DENND1A: variants seen among roughly 807,000 people sequenced by gnomAD.
DENND1A encodes the protein DENN domain-containing protein 1A.
A neutral mutation model predicts 113.7 loss-of-function variants in DENND1A; 51 were observed. The observed-to-expected ratio is 0.45, with a 90% CI of 0.36 to 0.57. The LOEUF (loss-of-function observed/expected upper bound fraction) is 0.57, where lower values mean the gene tolerates loss of function less well. DENND1A is among the 20% of genes least tolerant of loss of function. The pLI is 0.00. For synonymous variants in DENND1A, 565 were observed against 570.8 expected, an observed-to-expected ratio of 0.99 and a Z score of 0.14; for missense variants, 1,258 against 1,395.9, an observed-to-expected ratio of 0.90 and a Z score of 1.57.
chr9:123,386,345 G>C lies in DENND1A; in HGVS notation c.1760+1385C>G, dbSNP rs542564672. ...CAGCAAAAGTGACGTGTGATGCTTG[G>C]ATGACACCAGCTTAGGCCACTACTT... On this transcript the variant is annotated intron_variant, in intron 22 of 23. Transcript: ENST00000394215. Among the ~76,000 whole-genome samples the C allele has an allele frequency of 1.1e-4, 16 of 150,946 alleles. No individual in the cohort carries two copies. The East Asian group carries it at 3.1e-3, about 29-fold the overall frequency.
At chr9:123,553,177 A>G (rs1171199048) in intron 13 of DENND1A, among the ~76,000 whole-genome samples, 1 of 152,200 alleles carries the variant, frequency 6.6e-6, no homozygotes, top group Non-Finnish European at 1.5e-5. Context: ...GGATCACTTC[A>G]GCCTAGGAGG....
chr9:123,516,884 CAAAAAAAAAAA>C lies in DENND1A; in HGVS notation c.993+40675_993+40685del, dbSNP rs546001517. ...CTGGTGACAGAGTGAGACTCTGTCT[CAAAAAAAAAAA>C]AAAAAAAAAAAAAAAAAAAAAAAAG... On this transcript the variant is annotated intron_variant, in intron 13 of 23. Transcript: ENST00000394215. 1.4e-3 allele frequency among the ~76,000 whole-genome samples: 129 copies of C among 93,322 alleles called. 1 individual carries two copies. Among genetic ancestry groups the C allele is most frequent in the East Asian group, 7.9e-3 (29 of 3,656 alleles). The allele number at this position is 93,322 out of a possible 152,430, so 61.2% of individuals were successfully genotyped here.
At chr9:123,475,270 C>T (rs1033106250) in intron 13 of DENND1A, among the ~76,000 whole-genome samples, 5 of 152,192 alleles carry the variant, frequency 3.3e-5, no homozygotes, top group African/African-American at 1.2e-4. Context: ...CCGCCCACCT[C>T]GGCCTCCCAA....
intron 11 of DENND1A, among the ~76,000 whole-genome samples, chr9:123,592,843 A>C (rs995859509): frequency 3.3e-5 from 5 of 152,066 alleles, no homozygotes; most frequent in Non-Finnish European, 7.4e-5. Context: ...TTTCCCTCAC[A>C]CTTCAAGAAA....
At chr9:123,485,656 G>GCGCGCGCGCGCGCGCGCA (rs765633751) in intron 13 of DENND1A, 1 of 141,154 alleles carries the variant, frequency 7.1e-6, no homozygotes, top group African/African-American at 2.9e-5. Flanking sequence ...GCGCGCGCGC[G>GCGCGCGCGCGCGCGCGCA]CACACACACA....
chr9:123,874,120 G>A (rs1156985302), intron 2 of DENND1A, among the ~76,000 whole-genome samples: 1 of 151,638 alleles, frequency 6.6e-6, no homozygotes, highest in African/African-American at 2.4e-5. Flanking sequence ...AGTCTGAAGT[G>A]GGAGGATCGC....
chr9:123,469,235 C>A (rs2049198417), intron 13 of DENND1A, among the ~76,000 whole-genome samples: 1 of 152,242 alleles, frequency 6.6e-6, no homozygotes, highest in Non-Finnish European at 1.5e-5. Context: ...GCCCCTGTCA[C>A]TATAACAAGC....
intron 8 of DENND1A, among the ~76,000 whole-genome samples, chr9:123,657,885 C>T (rs2063041407): frequency 6.8e-6 from 1 of 148,050 alleles, no homozygotes; most frequent in Admixed American, 6.6e-5. Context: ...GCAATCAAAT[C>T]AGAGAAGAGT....
At chr9:123,618,853 G>C (rs567536115) in intron 10 of DENND1A, among the ~76,000 whole-genome samples, 4 of 151,770 alleles carry the variant, frequency 2.6e-5, no homozygotes, top group East Asian at 3.9e-4. Context: ...AGGGCTAAAG[G>C]CTGAATGGCA....
In DENND1A at chr9:123,490,111, C is replaced by T. The variant is rs569639134; in HGVS notation, c.994-32214G>A. On this transcript the variant is annotated intron_variant, in intron 13 of 23. Coordinates refer to ENST00000394215, the MANE Select transcript of DENND1A (RefSeq NM_001352964.2). ...CACCTTTAGAAGTACTAGTTAAGGC[C>T]GGCCTGTTTTGAAAACAATTTCCAT... Among the ~76,000 whole-genome samples the T allele has an allele frequency of 3.3e-5, 5 of 152,220 alleles. 1 individual carries two copies. The highest frequency in any genetic ancestry group is 4.2e-4 in the South Asian group (2 of 4,814).
intron 12 of DENND1A, among the ~76,000 whole-genome samples, chr9:123,579,284 G>T (rs188644074): frequency 6.6e-6 from 1 of 152,144 alleles, no homozygotes; most frequent in Non-Finnish European, 1.5e-5. Flanking sequence ...AAGATCACAC[G>T]GACATGAAGT....
chr9:123,870,843 T>C (rs1846485529), intron 2 of DENND1A, among the ~76,000 whole-genome samples: 1 of 152,150 alleles, frequency 6.6e-6, no homozygotes, highest in African/African-American at 2.4e-5. Flanking sequence ...TTTAGAGAAT[T>C]GTTCGAGCTT....
At chr9:123,426,849 C>T (rs73573392) in intron 19 of DENND1A, among the ~76,000 whole-genome samples, 4 of 152,302 alleles carry the variant, frequency 2.6e-5, no homozygotes, top group East Asian at 1.9e-4. Context: ...GCCACCTCAT[C>T]GCAGAACAGC....
chr9:123,531,861 A>AG (rs75093224), intron 13 of DENND1A, among the ~76,000 whole-genome samples: 18,797 of 152,180 alleles, frequency 0.12, 1,239 homozygotes, highest in South Asian at 0.16. Flanking sequence ...AAAGATCTAC[A>AG]GTTTGTTTGT....
chr9:123,601,322 T>C (rs534513907), intron 11 of DENND1A, among the ~76,000 whole-genome samples: 2 of 152,252 alleles, frequency 1.3e-5, no homozygotes, highest in Admixed American at 6.5e-5. Context: ...AGCTTTAAAT[T>C]GTTTTATATT....
intron 3 of DENND1A, among the ~76,000 whole-genome samples, chr9:123,775,253 T>C (rs1830292649): frequency 6.6e-6 from 1 of 152,246 alleles, no homozygotes; most frequent in Admixed American, 6.5e-5. Flanking sequence ...TTATGATCTC[T>C]TACAATTAGC....
chr9:123,449,047 C>T (rs554686157), intron 18 of DENND1A, among the ~76,000 whole-genome samples: 2 of 152,316 alleles, frequency 1.3e-5, no homozygotes, highest in South Asian at 2.1e-4. Flanking sequence ...GTGGTAAGAA[C>T]ACACAGCCAC....
chr9:123,872,099 T>C (rs1009471994), intron 2 of DENND1A, among the ~76,000 whole-genome samples: 22 of 152,180 alleles, frequency 1.4e-4, no homozygotes, highest in Non-Finnish European at 8.8e-5. Context: ...CTGTCTTGAT[T>C]TTCTGGGATC....
intron 2 of DENND1A, among the ~76,000 whole-genome samples, chr9:123,864,641 G>C (rs1191819779): frequency 6.6e-6 from 1 of 152,014 alleles, no homozygotes; most frequent in Non-Finnish European, 1.5e-5. Context: ...ACATCTTCCA[G>C]AAAAATCGCG....
Sources: allele counts gnomAD v4.1 joint callset (sites outside exome capture counted in the v4.1 genomes callset), GRCh38; gene constraint gnomAD v4.1.1; transcripts MANE v1.5; gene names NCBI Gene and HGNC (gene_info 2026-07-23, HGNC 2026-07-21).